Variants in ITK observed in about 807,000 individuals in gnomAD.
ITK encodes the protein tyrosine-protein kinase ITK/TSK.
Under a neutral mutation model 87.6 loss-of-function variants are expected in ITK, and 45 were observed. That is an observed-to-expected ratio of 0.51 (90% CI 0.40 to 0.66). ITK has a LOEUF of 0.66. Ranked by LOEUF, ITK falls within the 30% of genes least tolerant of loss-of-function variation. The pLI, the probability that ITK is intolerant of heterozygous loss-of-function variation, is 0.00. For missense variants in ITK, 605 were observed against 766.3 expected (o/e 0.79, Z 2.48); for synonymous variants, 303 against 273.6 (o/e 1.11, Z -1.06).
At position 157,185,385 on chromosome 5, in the gene ITK, C is replaced by T. The variant is rs187004940; in HGVS notation, c.138+4270C>T. ...TCTTGAGTAGCTGGAACTACGGGTG[C>T]GCGCCATCATGCTTGGCTAATTTTT... On this transcript the variant is annotated intron_variant, in intron 1 of 16. Transcript: ENST00000422843. Among the ~76,000 whole-genome samples the T allele has an allele frequency of 1.6e-4, 24 of 151,862 alleles. No homozygotes were observed. In the East Asian group the frequency reaches 2.1e-3, roughly 14 times the overall value.
chr5:157,251,410 GAT>G (rs988020730), intron 16 of ITK, among the ~76,000 whole-genome samples: 9 of 152,112 alleles, frequency 5.9e-5, no homozygotes, highest in Non-Finnish European at 1.3e-4. Flanking sequence ...TCCTTTATCA[GAT>G]ATGTGTTTTG....
chr5:157,214,610 TC>T (rs1343048477), intron 4 of ITK, among the ~76,000 whole-genome samples: 1 of 151,936 alleles, frequency 6.6e-6, no homozygotes, highest in Non-Finnish European at 1.5e-5. Flanking sequence ...ACCTACTAGA[TC>T]AGAATTTTCA....
At chr5:157,207,262 ACTGAGGG>A (rs1437915472) in intron 1 of ITK, among the ~76,000 whole-genome samples, 2 of 151,886 alleles carry the variant, frequency 1.3e-5, no homozygotes, top group Non-Finnish European at 2.9e-5. Flanking sequence ...GTCCACCAAC[ACTGAGGG>A]CAGATCTCCC....
At chr5:157,241,154 T>C in intron 10 of ITK, 1 of 155,910 alleles carries the variant, frequency 6.4e-6, no homozygotes, top group Non-Finnish European at 1.4e-5. Context: ...GCCAGGCTGG[T>C]CTTGAACTCC....
chr5:157,198,725 A>G (rs143971816), intron 1 of ITK, among the ~76,000 whole-genome samples: 2 of 152,190 alleles, frequency 1.3e-5, no homozygotes, highest in East Asian at 3.9e-4. Context: ...CAAGATGCTA[A>G]TTTTTCCATA....
chr5:157,240,489 G>A (rs1412983730), intron 10 of ITK: 1 of 470,392 alleles, frequency 2.1e-6, no homozygotes, highest in African/African-American at 2.0e-5. Context: ...AAAAAGGTTG[G>A]GGACTGCTGC....
chr5:157,227,822 C>CTT lies in ITK; in HGVS notation c.648-449_648-448dup, dbSNP rs34428784. Among the ~76,000 whole-genome samples, 353 of 84,848 alleles carry CTT rather than the reference C, an allele frequency of 4.2e-3. 24 individuals carry two copies. The highest frequency in any genetic ancestry group is 0.014 in the African/African-American group (259 of 18,344). The allele number at this position is 84,848 out of a possible 152,430, so 55.7% of individuals were successfully genotyped here. On this transcript the variant is annotated intron_variant, in intron 6 of 16. Transcript: ENST00000422843. Reference sequence around the variant, plus strand: ...AGTTGCTATTATTTTTTACCAATTCCTTTTTTTTTTTTTTTTTTTTTTTTT... The same window carrying CTT: ...AGTTGCTATTATTTTTTACCAATTCCTTTTTTTTTTTTTTTTTTTTTTTTTTT...
intron 15 of ITK, among the ~76,000 whole-genome samples, chr5:157,246,799 G>A (rs1222637666): frequency 6.6e-6 from 1 of 152,096 alleles, no homozygotes; most frequent in Non-Finnish European, 1.5e-5. Flanking sequence ...AAAACTTGGT[G>A]CATCCAAAGA....
intron 1 of ITK, among the ~76,000 whole-genome samples, chr5:157,188,713 T>C (rs1385342676): frequency 6.6e-6 from 1 of 152,184 alleles, no homozygotes; most frequent in Non-Finnish European, 1.5e-5. Context: ...ACCTCTGCCT[T>C]TCAGACTCAA....
intron 5 of ITK, among the ~76,000 whole-genome samples, chr5:157,220,868 TG>T (rs572307620): frequency 1.2e-3 from 179 of 152,332 alleles, no homozygotes; most frequent in African/African-American, 4.1e-3. Context: ...TAAAATTTTT[TG>T]TTGCTTTGAG....
intron 8 of ITK, among the ~76,000 whole-genome samples, chr5:157,233,451 A>G (rs1754699595): frequency 6.6e-6 from 1 of 152,240 alleles, no homozygotes; most frequent in Admixed American, 6.5e-5. Context: ...CCTTGGCTCT[A>G]CATCAACTCA....
intron 11 of ITK, among the ~76,000 whole-genome samples, chr5:157,243,240 G>C (rs527292065): frequency 6.6e-6 from 1 of 152,136 alleles, no homozygotes; most frequent in Non-Finnish European, 1.5e-5. Flanking sequence ...AGGCCTAATA[G>C]GGTTATGTGT....
rs1580914983 is a variant in ITK at position 157,253,850 on chromosome 5, T to C, written c.*1172T>C. 4.5e-6 allele frequency: 1 copy of C among 222,610 alleles called. No individual in the cohort carries two copies. The allele number at this position is 222,610 out of a possible 1,614,324, so 13.8% of individuals were successfully genotyped here. Reference sequence around the variant, plus strand: ...GGGGTGCTTCCAAGAGGCATGAGAGTGCCTACTCTGGCTTGAGCACTTCTA... The same window carrying C: ...GGGGTGCTTCCAAGAGGCATGAGAGCGCCTACTCTGGCTTGAGCACTTCTA... On this transcript the variant is annotated 3_prime_UTR_variant, in exon 17 of 17. Coordinates refer to ENST00000422843, the MANE Select transcript of ITK (RefSeq NM_005546.4).
intron 8 of ITK, among the ~76,000 whole-genome samples, chr5:157,235,772 A>G (rs567761893): frequency 6.6e-6 from 1 of 152,388 alleles, no homozygotes; most frequent in East Asian, 1.9e-4. Context: ...TCTGTTCACA[A>G]TAACTTACCC....
chr5:157,221,501 C>T (rs918007788), intron 5 of ITK, among the ~76,000 whole-genome samples: 1 of 152,006 alleles, frequency 6.6e-6, no homozygotes, highest in Non-Finnish European at 1.5e-5. Flanking sequence ...ATGTGGGACT[C>T]TACAGAGCAT....
chr5:157,225,307 T>C (rs138870599), intron 6 of ITK, among the ~76,000 whole-genome samples: 2 of 152,290 alleles, frequency 1.3e-5, no homozygotes, highest in African/African-American at 4.8e-5. Context: ...ATATGTCACA[T>C]TTCTAACTGT....
At chr5:157,240,411 C>A in intron 10 of ITK, 1 of 595,764 alleles carries the variant, frequency 1.7e-6, no homozygotes, top group Admixed American at 2.6e-5. Context: ...CAGTTTCATC[C>A]TGAAAGCAAC....
chr5:157,236,391 C>T (rs1003681472), intron 8 of ITK, among the ~76,000 whole-genome samples: 1 of 149,384 alleles, frequency 6.7e-6, no homozygotes, highest in East Asian at 2.0e-4. Context: ...AAAAAAAAAT[C>T]CTTTTAAACC....
chr5:157,233,833 C>T (rs1272815110), intron 8 of ITK, among the ~76,000 whole-genome samples: 1 of 148,706 alleles, frequency 6.7e-6, no homozygotes, highest in Non-Finnish European at 1.5e-5. Context: ...TTAATGACTT[C>T]TAAAAGATGA....
Sources: gnomAD v4.1 joint callset for allele counts (sites outside exome capture counted in the v4.1 genomes callset) on GRCh38, gnomAD v4.1.1 for gene constraint, MANE v1.5 for transcripts, NCBI Gene and HGNC (gene_info 2026-07-23, HGNC 2026-07-21) for gene names.